The following CLPB variants were observed in gnomAD, a reference collection of about 807,000 sequenced individuals.
CLPB encodes the protein ClpB family mitochondrial disaggregase.
In CLPB, 40 loss-of-function variants were observed where a neutral mutation model predicts 78.4. The ratio of observed to expected loss-of-function variants is 0.51; its 90% confidence interval spans 0.40 to 0.66. CLPB has a LOEUF of 0.66. CLPB is among the 30% of genes least tolerant of loss of function. The pLI is 0.00. For missense variants in CLPB, 780 were observed against 886.9 expected, an observed-to-expected ratio of 0.88 and a Z score of 1.53; for synonymous variants, 333 against 348.0, an observed-to-expected ratio of 0.96 and a Z score of 0.48.
At chr11:72,387,275 G>T (rs188426406) in intron 3 of CLPB, among the ~76,000 whole-genome samples, 1 of 152,304 alleles carries the variant, frequency 6.6e-6, no homozygotes, top group Admixed American at 6.5e-5. Context: ...CCACCATTTT[G>T]TGGCCTCATA....
rs118116597 is a variant in CLPB, at chr11:72,344,022, G to T, written c.776-14218C>A. Among the ~76,000 whole-genome samples, 577 of 152,080 alleles carry T rather than the reference G, an allele frequency of 3.8e-3. 3 individuals are homozygous for T. The highest frequency in any genetic ancestry group is 7.1e-3 in the South Asian group (34 of 4,814). On this transcript the variant is annotated intron_variant, in intron 5 of 15. Transcript: ENST00000538039. ...CCTATGGTCATGGGCAATACTGCTC[G>T]ACAAAACCACTGCCCACAGATCAGG...
At chr11:72,336,457 A>G (rs1013762109) in intron 5 of CLPB, among the ~76,000 whole-genome samples, 1 of 152,138 alleles carries the variant, frequency 6.6e-6, no homozygotes, top group Non-Finnish European at 1.5e-5. Flanking sequence ...GATCCAGGGC[A>G]CTTGCTCTAC....
At chr11:72,406,045 G>GA (rs1855700380) in intron 2 of CLPB, among the ~76,000 whole-genome samples, 1 of 152,198 alleles carries the variant, frequency 6.6e-6, no homozygotes, top group Admixed American at 6.5e-5. Flanking sequence ...CAAAGGCAGT[G>GA]AGGTTGTCCA....
intron 4 of CLPB, among the ~76,000 whole-genome samples, chr11:72,373,465 G>A (rs1371055912): frequency 1.3e-5 from 2 of 152,216 alleles, no homozygotes; most frequent in African/African-American, 4.8e-5. Context: ...GTGGGCATGG[G>A]TAGGGCTCAA....
intron 3 of CLPB, among the ~76,000 whole-genome samples, chr11:72,400,771 C>T (rs1042488822): frequency 2.0e-5 from 3 of 152,194 alleles, no homozygotes; most frequent in African/African-American, 4.8e-5. Context: ...ACCTGTAGCA[C>T]ATACATTACC....
intron 2 of CLPB, among the ~76,000 whole-genome samples, chr11:72,424,623 T>C (rs1371366472): frequency 2.6e-5 from 4 of 151,528 alleles, no homozygotes; most frequent in African/African-American, 9.7e-5. Context: ...ACCCTGGGCG[T>C]GGTGGCTCAC....
Position 72,380,375 on chromosome 11 carries a change from C to T in CLPB, c.552G>A (p.Gln184=). The T allele has an allele frequency of 6.2e-7, 1 of 1,613,750 alleles. No individual in the cohort carries two copies. The highest frequency in any genetic ancestry group is 8.5e-7 in the Non-Finnish European group (1 of 1,179,650). Residue 184 remains glutamine, a synonymous_variant, in exon 4 of 16, where the codon CAG becomes CAA. Transcript: ENST00000538039. ...GATCAGCCCCAGCAGCAAGCAGGAC[C>T]TGTACCACACTAGAAGAAATCACAA... The part of the protein sequence containing the change: ...AAINRNNSVV[Q]VLLAAGADPN...
chr11:72,308,682 A>C, intron 7 of CLPB, 78 bp from the exon 8 acceptor site: 1 of 1,245,452 alleles, frequency 8.0e-7, no homozygotes, highest in South Asian at 1.2e-5. Flanking sequence ...GATAATTATC[A>C]CTAAGTATAC....
At chr11:72,308,273 G>A (rs1949780492) in intron 8 of CLPB, among the ~76,000 whole-genome samples, 1 of 152,210 alleles carries the variant, frequency 6.6e-6, no homozygotes, top group Non-Finnish European at 1.5e-5. Flanking sequence ...TGAAGGGCCT[G>A]GTCCTCCATG....
At chr11:72,408,524 G>A (rs756597179) in intron 2 of CLPB, among the ~76,000 whole-genome samples, 8 of 151,862 alleles carry the variant, frequency 5.3e-5, no homozygotes, top group Non-Finnish European at 8.8e-5. Context: ...AAAATTAGCC[G>A]GGTGTGGTGG....
rs931712396 is a variant in CLPB at position 72,291,344 on chromosome 11, G to T, written c.*2023C>A. 6.6e-6 allele frequency: 1 copy of T among 152,214 alleles called. No individual in the cohort carries two copies. The highest frequency in any genetic ancestry group is 1.5e-5 in the Non-Finnish European group (1 of 68,058). The allele number at this position is 152,214 out of a possible 1,614,324, so 9.4% of individuals were successfully genotyped here. On this transcript the variant is annotated 3_prime_UTR_variant, in exon 16 of 16. Transcript: ENST00000538039. ...TTTTTTTGAGACGGAGTCTCACTCT[G>T]TCGCCCAGGCTGGAGTGCAGTGGCG...
chr11:72,399,908 T>C (rs1377356897), intron 3 of CLPB, among the ~76,000 whole-genome samples: 1 of 152,210 alleles, frequency 6.6e-6, no homozygotes, highest in African/African-American at 2.4e-5. Context: ...ATTGGCAGAT[T>C]GTGCTGGTAT....
chr11:72,388,535 A>G (rs1332631119), intron 3 of CLPB, among the ~76,000 whole-genome samples: 3 of 151,956 alleles, frequency 2.0e-5, no homozygotes, highest in Non-Finnish European at 4.4e-5. Flanking sequence ...ACAGGTGTGA[A>G]CCACCATACC....
chr11:72,381,717 C>T (rs1330686227), intron 3 of CLPB, among the ~76,000 whole-genome samples: 1 of 152,178 alleles, frequency 6.6e-6, no homozygotes, highest in Non-Finnish European at 1.5e-5. Context: ...CCACCCCAGG[C>T]TCCAGCCCAG....
intron 2 of CLPB, chr11:72,411,927 C>T (rs1855889343): frequency 6.6e-6 from 1 of 152,336 alleles, no homozygotes; most frequent in Non-Finnish European, 1.5e-5. Flanking sequence ...ATCATGATTG[C>T]TATCTGGGCA....
At chr11:72,352,330 T>A (rs2135592821) in intron 5 of CLPB, 1 of 152,372 alleles carries the variant, frequency 6.6e-6, no homozygotes, top group East Asian at 1.9e-4. Context: ...TAAATCTTAA[T>A]GATTTTCCAT....
At chr11:72,350,282 AT>A (rs1950591527) in intron 5 of CLPB, among the ~76,000 whole-genome samples, 1 of 152,058 alleles carries the variant, frequency 6.6e-6, no homozygotes. Flanking sequence ...AGACTGCTGG[AT>A]CCCTTTGGAT....
At chr11:72,330,968 C>T (rs898012449) in intron 5 of CLPB, among the ~76,000 whole-genome samples, 7 of 152,016 alleles carry the variant, frequency 4.6e-5, no homozygotes, top group African/African-American at 1.7e-4. Context: ...TGTTGATGTA[C>T]AGTAAAAACC....
chr11:72,341,374 G>A (rs182523666), intron 5 of CLPB, among the ~76,000 whole-genome samples: 1 of 152,290 alleles, frequency 6.6e-6, no homozygotes, highest in Non-Finnish European at 1.5e-5. Flanking sequence ...GGTGTGTAAG[G>A]AGGAGATTCA....
Sources: gnomAD v4.1 joint callset for allele counts (sites outside exome capture counted in the v4.1 genomes callset) on GRCh38, gnomAD v4.1.1 for gene constraint, MANE v1.5 for transcripts, NCBI Gene and HGNC (gene_info 2026-07-23, HGNC 2026-07-21) for gene names.